Variants in NSF observed in about 807,000 individuals in gnomAD.
NSF encodes the protein N-ethylmaleimide sensitive factor, vesicle fusing ATPase.
In NSF, 14 loss-of-function variants were observed where a neutral mutation model predicts 50.3. The observed-to-expected ratio is 0.28, with a 90% CI of 0.18 to 0.44. The LOEUF is 0.44. Among genes scored for constraint, NSF ranks in the 20% least tolerant of loss-of-function variants. NSF has a pLI of 1.00. For missense variants in NSF, 218 were observed against 504.3 expected, an observed-to-expected ratio of 0.43 and a Z score of 5.44; for synonymous variants, 109 against 175.7, an observed-to-expected ratio of 0.62 and a Z score of 3.00.
At chr17:46,687,193 TA>T (rs1406419218) in intron 9 of NSF, among the ~76,000 whole-genome samples, 2 of 70,822 alleles carry the variant, frequency 2.8e-5, no homozygotes. Flanking sequence ...GTCCTGCTTT[TA>T]TATTCCTCCA....
chr17:46,718,250 T>C (rs1394531645), intron 15 of NSF, among the ~76,000 whole-genome samples: 1 of 152,132 alleles, frequency 6.6e-6, no homozygotes, highest in Non-Finnish European at 1.5e-5. Flanking sequence ...CTGCATTTCT[T>C]GTCATGCCAC....
At chr17:46,691,906 C>G (rs1278159834) in intron 9 of NSF, among the ~76,000 whole-genome samples, 2 of 151,076 alleles carry the variant, frequency 1.3e-5, no homozygotes, top group Non-Finnish European at 2.9e-5. Context: ...GCACCTGCCA[C>G]CACACCCAGC....
chr17:46,722,124 T>C (rs1161729400), intron 15 of NSF: 1 of 1,611,924 alleles, frequency 6.2e-7, no homozygotes, highest in East Asian at 2.2e-5. Flanking sequence ...CTCGTCCGGC[T>C]TCTCGCCATT....
chr17:46,731,464 C>T (rs1484726913), intron 17 of NSF, among the ~76,000 whole-genome samples: 1 of 152,064 alleles, frequency 6.6e-6, no homozygotes, highest in Non-Finnish European at 1.5e-5. Context: ...CTGAATTGTA[C>T]ACTTTAAATG....
chr17:46,720,946 C>A (rs1382426620), intron 15 of NSF, among the ~76,000 whole-genome samples: 1 of 152,186 alleles, frequency 6.6e-6, no homozygotes, highest in Non-Finnish European at 1.5e-5. Context: ...CTCCCATTTG[C>A]ACTTGTGTAG....
intron 17 of NSF, among the ~76,000 whole-genome samples, chr17:46,747,855 G>A (rs1471804115): frequency 6.6e-6 from 1 of 152,256 alleles, no homozygotes; most frequent in South Asian, 2.1e-4. Flanking sequence ...TCAAGGAAAT[G>A]TATTTCCTAG....
chr17:46,736,086 C>G (rs2059001536), intron 17 of NSF, among the ~76,000 whole-genome samples: 1 of 152,202 alleles, frequency 6.6e-6, no homozygotes, highest in Non-Finnish European at 1.5e-5. Flanking sequence ...AATGCCTGAA[C>G]CCAACTTCCC....
intron 16 of NSF, 82 bp from the exon 17 acceptor site, chr17:46,728,772 GC>G: frequency 1.2e-6 from 1 of 837,244 alleles, no homozygotes; most frequent in Non-Finnish European, 1.8e-6. Context: ...TACTTTTGAT[GC>G]AAAAAAAAAA....
At chr17:46,738,212 G>A (rs1267841396) in intron 17 of NSF, among the ~76,000 whole-genome samples, 1 of 152,132 alleles carries the variant, frequency 6.6e-6, no homozygotes, top group Non-Finnish European at 1.5e-5. Context: ...GGGATTACAG[G>A]TGTGAGCCAT....
At chr17:46,716,375 G>C (rs1287556481) in intron 15 of NSF, among the ~76,000 whole-genome samples, 1 of 151,616 alleles carries the variant, frequency 6.6e-6, no homozygotes, top group Non-Finnish European at 1.5e-5. Flanking sequence ...TCCTGCCTCA[G>C]CCTCCCAAGT....
intron 15 of NSF, among the ~76,000 whole-genome samples, chr17:46,722,957 A>G (rs1393955575): frequency 6.6e-6 from 1 of 152,212 alleles, no homozygotes; most frequent in Non-Finnish European, 1.5e-5. Context: ...TGCAAAAAAC[A>G]AGAACGTCAC....
intron 17 of NSF, among the ~76,000 whole-genome samples, chr17:46,743,035 C>T (rs897854326): frequency 5.3e-5 from 8 of 152,198 alleles, no homozygotes; most frequent in East Asian, 1.9e-4. Flanking sequence ...TGAGGCCCCA[C>T]GCTGCCATGA....
rs555316988 is a variant in NSF, at chr17:46,703,575, G to A, written c.1375-1184G>A. On this transcript the variant is annotated intron_variant, in intron 12 of 20. Coordinates refer to ENST00000398238, the MANE Select transcript of NSF (RefSeq NM_006178.4). ...TGGGCACCTGTAGTCCCAGCTACTC[G>A]GGAGGCTGAGGCAGGAGAATGGCAT... Among the ~76,000 whole-genome samples the A allele has an allele frequency of 5.4e-5, 8 of 149,120 alleles. 1 individual carries two copies. The South Asian group carries it at 1.3e-3, about 24-fold the overall frequency.
intron 1 of NSF, among the ~76,000 whole-genome samples, chr17:46,609,974 A>G (rs1262965002): frequency 1.4e-5 from 2 of 143,740 alleles, no homozygotes; most frequent in Non-Finnish European, 3.1e-5. Flanking sequence ...GATTTGTGCC[A>G]CCAAGCCAGG....
chr17:46,631,078 A>ACACACACACACACG (rs2058131606), intron 4 of NSF, among the ~76,000 whole-genome samples: 1 of 144,676 alleles, frequency 6.9e-6, no homozygotes, highest in African/African-American at 2.8e-5. Flanking sequence ...ACACACACAC[A>ACACACACACACACG]CACACACACA....
chr17:46,626,025 G>A (rs1394364133), intron 2 of NSF, among the ~76,000 whole-genome samples: 8 of 148,148 alleles, frequency 5.4e-5, no homozygotes, highest in African/African-American at 7.8e-5. Flanking sequence ...GGTAATTTCT[G>A]AACAGGGAAT....
chr17:46,599,977 A>C (rs1598634575), intron 1 of NSF, among the ~76,000 whole-genome samples: 1 of 76,762 alleles, frequency 1.3e-5, no homozygotes, highest in Non-Finnish European at 2.4e-5. Flanking sequence ...TTTTTTTTAG[A>C]GGCTGAGTCT....
chr17:46,715,504 A>T (rs2058759661), intron 15 of NSF, among the ~76,000 whole-genome samples: 2 of 152,188 alleles, frequency 1.3e-5, no homozygotes, highest in Non-Finnish European at 2.9e-5. Context: ...GCTTTTTCAA[A>T]AGTAGTAGTC....
chr17:46,735,518 T>C (rs2058993544), intron 17 of NSF, among the ~76,000 whole-genome samples: 1 of 152,076 alleles, frequency 6.6e-6, no homozygotes, highest in Non-Finnish European at 1.5e-5. Flanking sequence ...TCTGGCATTA[T>C]AGCCTTGAAC....
Sources: allele counts gnomAD v4.1 joint callset (sites outside exome capture counted in the v4.1 genomes callset), GRCh38; gene constraint gnomAD v4.1.1; transcripts MANE v1.5; gene names NCBI Gene and HGNC (gene_info 2026-07-23, HGNC 2026-07-21).